The following GRM7 variants were observed in gnomAD, a reference collection of about 807,000 sequenced individuals.
GRM7 encodes glutamate metabotropic receptor 7.
A neutral mutation model predicts 84.5 loss-of-function variants in GRM7; 35 were observed. The ratio of observed to expected loss-of-function variants is 0.41; its 90% CI spans 0.32 to 0.55. The LOEUF (loss-of-function observed/expected upper bound fraction) is 0.55, where lower values mean the gene tolerates loss of function less well. Ranked by LOEUF, GRM7 falls within the 20% of genes least tolerant of loss-of-function variation. The pLI, the probability that GRM7 is intolerant of heterozygous loss-of-function variation, is 0.19. For synonymous variants in GRM7, 487 were observed against 455.1 expected (o/e 1.07, Z -0.89); for missense variants, 1,003 against 1,194.6 (o/e 0.84, Z 2.36).
At chr3:6,960,712 C>T (rs1458215097) in intron 1 of GRM7, among the ~76,000 whole-genome samples, 2 of 152,066 alleles carry the variant, frequency 1.3e-5, no homozygotes, top group Non-Finnish European at 2.9e-5. Flanking sequence ...TGTTTTCTTC[C>T]TCTTCTGACT....
At chr3:7,434,280 T>A (rs1575329568) in intron 5 of GRM7, among the ~76,000 whole-genome samples, 1 of 152,234 alleles carries the variant, frequency 6.6e-6, no homozygotes. Flanking sequence ...CTTATTTCAG[T>A]GCATTTTGTC....
At chr3:7,503,011 T>C (rs1216943986) in intron 7 of GRM7, among the ~76,000 whole-genome samples, 1 of 152,152 alleles carries the variant, frequency 6.6e-6, no homozygotes, top group East Asian at 1.9e-4. Flanking sequence ...ATAGACTTAG[T>C]AATAACTTAT....
At position 6,985,512 on chromosome 3, in the gene GRM7, C is replaced by A. The variant is rs565789828; in HGVS notation, c.519+123605C>A. On this transcript the variant is annotated intron_variant, in intron 1 of 9. Transcript: ENST00000357716. Reference sequence around the variant, plus strand: ...CAATGTGTGGTTATCAAGCCACTTTCACAAATATGTTGTTTCATTGTTGCC... The same window carrying A: ...CAATGTGTGGTTATCAAGCCACTTTAACAAATATGTTGTTTCATTGTTGCC... Among the ~76,000 whole-genome samples the A allele has an allele frequency of 1.2e-4, 18 of 152,282 alleles. No individual in the cohort carries two copies. In the South Asian group the frequency reaches 3.7e-3, roughly 32 times the overall value.
chr3:7,537,347 A>G (rs988189102), intron 7 of GRM7, among the ~76,000 whole-genome samples: 3 of 152,184 alleles, frequency 2.0e-5, no homozygotes, highest in African/African-American at 7.2e-5. Flanking sequence ...GGCTAACCCA[A>G]AAGGGCTACT....
intron 7 of GRM7, among the ~76,000 whole-genome samples, chr3:7,464,136 A>G (rs2124912175): frequency 6.6e-6 from 1 of 152,310 alleles, no homozygotes; most frequent in South Asian, 2.1e-4. Context: ...AGGTGCGGGA[A>G]GCCTCAATAT....
At chr3:7,298,497 A>G in intron 2 of GRM7, 187 bp from the exon 3 acceptor site, 1 of 558,648 alleles carries the variant, frequency 1.8e-6, no homozygotes. Context: ...AATACCATGG[A>G]AAGTGCATTA....
At chr3:7,268,547 A>T (rs1451251864) in intron 2 of GRM7, among the ~76,000 whole-genome samples, 1 of 152,230 alleles carries the variant, frequency 6.6e-6, no homozygotes, top group African/African-American at 2.4e-5. Context: ...ATTAGTTTTA[A>T]GATCTAACTG....
intron 1 of GRM7, among the ~76,000 whole-genome samples, chr3:7,071,027 T>G (rs1490384311): frequency 6.6e-6 from 1 of 152,094 alleles, no homozygotes; most frequent in Non-Finnish European, 1.5e-5. Context: ...ACACAGTGTT[T>G]ATTTTCCATA....
intron 4 of GRM7, among the ~76,000 whole-genome samples, chr3:7,388,953 C>T (rs1274375283): frequency 6.6e-6 from 1 of 151,920 alleles, no homozygotes; most frequent in Non-Finnish European, 1.5e-5. Context: ...TTTCCAGTTC[C>T]TTTAAATGTG....
At chr3:7,654,043 C>A (rs1357959869) in intron 8 of GRM7, among the ~76,000 whole-genome samples, 1 of 151,980 alleles carries the variant, frequency 6.6e-6, no homozygotes, top group Non-Finnish European at 1.5e-5. Context: ...ATAATCATGC[C>A]CTAATGCTGA....
chr3:7,643,113 C>G (rs1196912475), intron 8 of GRM7, among the ~76,000 whole-genome samples: 1 of 152,128 alleles, frequency 6.6e-6, no homozygotes, highest in African/African-American at 2.4e-5. Flanking sequence ...ACATGCAGAT[C>G]CCTATACGCC....
intron 5 of GRM7, among the ~76,000 whole-genome samples, chr3:7,418,636 G>C (rs1696269949): frequency 6.6e-6 from 1 of 152,106 alleles, no homozygotes; most frequent in Non-Finnish European, 1.5e-5. Flanking sequence ...GATGCTGCTG[G>C]CACAAAGACC....
intron 4 of GRM7, among the ~76,000 whole-genome samples, chr3:7,332,781 CA>C (rs1414662357): frequency 2.6e-5 from 4 of 152,144 alleles, no homozygotes; most frequent in Admixed American, 2.6e-4. Flanking sequence ...CTCTGTGAGA[CA>C]GTTGAAAAAC....
intron 2 of GRM7, among the ~76,000 whole-genome samples, chr3:7,259,685 C>G (rs2124954951): frequency 6.6e-6 from 1 of 152,240 alleles, no homozygotes; most frequent in South Asian, 2.1e-4. Flanking sequence ...ATTCAGTATA[C>G]CATCATTGGG....
intron 2 of GRM7, among the ~76,000 whole-genome samples, chr3:7,219,343 T>A (rs748179209): frequency 2.0e-5 from 3 of 152,212 alleles, no homozygotes; most frequent in Non-Finnish European, 4.4e-5. Context: ...ATATAACGGC[T>A]GCATCTGGAA....
At chr3:7,649,174 A>T (rs1449414579) in intron 8 of GRM7, among the ~76,000 whole-genome samples, 2 of 151,152 alleles carry the variant, frequency 1.3e-5, no homozygotes, top group Non-Finnish European at 2.9e-5. Flanking sequence ...GGTTCACGCC[A>T]TTCTCCTGCC....
intron 1 of GRM7, among the ~76,000 whole-genome samples, chr3:6,902,653 T>G (rs553427312): frequency 2.0e-5 from 3 of 152,232 alleles, no homozygotes; most frequent in Admixed American, 2.0e-4. Context: ...AAAACAAAAA[T>G]ATATTATTTC....
intron 1 of GRM7, among the ~76,000 whole-genome samples, chr3:7,096,568 T>A (rs1359980779): frequency 6.6e-6 from 1 of 152,092 alleles, no homozygotes; most frequent in African/African-American, 2.4e-5. Flanking sequence ...AGGAACTTCA[T>A]TGAGCTTCGG....
chr3:7,689,937 AG>A (rs1295472912), intron 9 of GRM7, among the ~76,000 whole-genome samples: 1 of 152,184 alleles, frequency 6.6e-6, no homozygotes, highest in East Asian at 1.9e-4. Context: ...ATAGACTCAA[AG>A]GTGACAAGGG....
Sources: gnomAD v4.1 joint callset for allele counts (sites outside exome capture counted in the v4.1 genomes callset) on GRCh38, gnomAD v4.1.1 for gene constraint, MANE v1.5 for transcripts, NCBI Gene and HGNC (gene_info 2026-07-23, HGNC 2026-07-21) for gene names.